The following TMEM117 variants were observed in gnomAD, a reference collection of about 807,000 sequenced individuals.
TMEM117 encodes transmembrane protein 117.
In TMEM117, 27 loss-of-function variants were observed where a neutral mutation model predicts 52.4. The observed-to-expected ratio is 0.51, with a 90% CI of 0.38 to 0.71. The LOEUF is 0.71. Among genes scored for constraint, TMEM117 ranks in the 30% least tolerant of loss-of-function variants. The pLI is 0.00. For synonymous variants in TMEM117, 215 were observed against 206.3 expected (o/e 1.04, Z -0.36); for missense variants, 556 against 630.5 (o/e 0.88, Z 1.26).
intron 2 of TMEM117, among the ~76,000 whole-genome samples, chr12:43,925,233 G>C (rs1043433770): frequency 6.6e-6 from 1 of 151,852 alleles, no homozygotes; most frequent in Non-Finnish European, 1.5e-5. Context: ...GTGTGTGGGG[G>C]TGTCTAGCCA....
At chr12:44,081,508 G>A (rs1480658905) in intron 3 of TMEM117, among the ~76,000 whole-genome samples, 2 of 152,070 alleles carry the variant, frequency 1.3e-5, no homozygotes, top group Admixed American at 6.6e-5. Flanking sequence ...AAGCGTCTGT[G>A]TTCTGTGATC....
intron 5 of TMEM117, among the ~76,000 whole-genome samples, chr12:44,265,170 C>T (rs1021550686): frequency 2.6e-5 from 4 of 152,050 alleles, no homozygotes; most frequent in Non-Finnish European, 4.4e-5. Flanking sequence ...CACTATATAA[C>T]GAGAAGCCAG....
At chr12:44,018,894 A>G (rs1565794345) in intron 3 of TMEM117, among the ~76,000 whole-genome samples, 2 of 151,758 alleles carry the variant, frequency 1.3e-5, no homozygotes, top group Admixed American at 6.6e-5. Flanking sequence ...TAATGTTTGT[A>G]TTTTTAGTAG....
chr12:43,860,709 TAGG>T (rs774642162), intron 2 of TMEM117, among the ~76,000 whole-genome samples: 37 of 151,922 alleles, frequency 2.4e-4, no homozygotes, highest in Non-Finnish European at 4.3e-4. Flanking sequence ...GAAAAGAGAG[TAGG>T]AGGAGAAGTG....
At chr12:44,212,799 A>AT (rs57330972) in intron 5 of TMEM117, among the ~76,000 whole-genome samples, 2,050 of 148,992 alleles carry the variant, frequency 0.014, 38 homozygotes, top group South Asian at 0.036. Context: ...CTGGCGGTTG[A>AT]TTTTTTTTTT....
At chr12:44,143,084 A>T (rs968041050) in intron 3 of TMEM117, among the ~76,000 whole-genome samples, 14 of 152,192 alleles carry the variant, frequency 9.2e-5, no homozygotes, top group Non-Finnish European at 1.5e-4. Context: ...GTATGATGTT[A>T]TATCTAAAGC....
intron 4 of TMEM117, among the ~76,000 whole-genome samples, chr12:44,146,555 C>A (rs1948644986): frequency 6.6e-6 from 1 of 152,122 alleles, no homozygotes. Flanking sequence ...ACCAAGTGCT[C>A]CTGATTTTAA....
chr12:43,801,947 T>C, the TMEM117 span, among the ~76,000 whole-genome samples: 1 of 152,152 alleles, frequency 6.6e-6, no homozygotes, highest in African/African-American at 2.4e-5. Flanking sequence ...GGAAAATCAC[T>C]TGAGCCTGGG....
intron 3 of TMEM117, among the ~76,000 whole-genome samples, chr12:44,089,627 G>C (rs192912442): frequency 9.3e-4 from 141 of 152,248 alleles, no homozygotes; most frequent in African/African-American, 3.2e-3. Flanking sequence ...AGTCACATGA[G>C]AATACACTTA....
At chr12:44,227,701 G>A (rs950496553) in intron 5 of TMEM117, among the ~76,000 whole-genome samples, 1 of 152,008 alleles carries the variant, frequency 6.6e-6, no homozygotes, top group Non-Finnish European at 1.5e-5. Context: ...TCCTTTTTGA[G>A]CATTGTCTCT....
At chr12:44,034,115 C>T (rs190886268) in intron 3 of TMEM117, among the ~76,000 whole-genome samples, 8 of 152,256 alleles carry the variant, frequency 5.3e-5, no homozygotes, top group Admixed American at 5.2e-4. Flanking sequence ...ATGAGAAAAA[C>T]ATGGAGATGG....
intron 6 of TMEM117, among the ~76,000 whole-genome samples, chr12:44,349,570 G>A (rs998905266): frequency 6.6e-6 from 1 of 151,940 alleles, no homozygotes; most frequent in Admixed American, 6.6e-5. Context: ...TCAGAGTGCT[G>A]ATTGCTGGTC....
At chr12:43,979,030 G>A (rs1945717600) in intron 3 of TMEM117, among the ~76,000 whole-genome samples, 1 of 151,514 alleles carries the variant, frequency 6.6e-6, no homozygotes, top group African/African-American at 2.4e-5. Flanking sequence ...GGAGTTAAAT[G>A]CCTGAGAGAG....
At chr12:44,007,679 C>G (rs895749864) in intron 3 of TMEM117, among the ~76,000 whole-genome samples, 2 of 152,028 alleles carry the variant, frequency 1.3e-5, no homozygotes, top group African/African-American at 4.8e-5. Flanking sequence ...CTACAATTCC[C>G]ATGTGTAGTG....
chr12:44,150,474 A>T (rs191136250), intron 4 of TMEM117, among the ~76,000 whole-genome samples: 1 of 152,288 alleles, frequency 6.6e-6, no homozygotes, highest in Non-Finnish European at 1.5e-5. Context: ...CATCGCACAG[A>T]CAAAACCCAA....
upstream of TMEM117, among the ~76,000 whole-genome samples, chr12:43,835,462 ATGTG>A (rs931522953): frequency 4.0e-5 from 6 of 151,554 alleles, no homozygotes; most frequent in African/African-American, 7.3e-5. Flanking sequence ...GTGTGTATGA[ATGTG>A]TGTATGTGTG....
chr12:44,042,721 T>C (rs1946818895), intron 3 of TMEM117, among the ~76,000 whole-genome samples: 1 of 151,326 alleles, frequency 6.6e-6, no homozygotes, highest in Non-Finnish European at 1.5e-5. Context: ...GACAGCCTAT[T>C]GTGGGACCTT....
intron 3 of TMEM117, among the ~76,000 whole-genome samples, chr12:44,114,975 C>G (rs1948112500): frequency 1.3e-5 from 2 of 152,062 alleles, no homozygotes; most frequent in Non-Finnish European, 2.9e-5. Context: ...TCTTTAAAAA[C>G]TTAATTATGA....
chr12:44,165,640 T>C (rs1001085706), intron 4 of TMEM117, among the ~76,000 whole-genome samples: 23 of 152,194 alleles, frequency 1.5e-4, no homozygotes, highest in Non-Finnish European at 2.5e-4. Context: ...GGTCATTACA[T>C]AATGATAAAG....
Sources: allele counts gnomAD v4.1 joint callset (sites outside exome capture counted in the v4.1 genomes callset), GRCh38; gene constraint gnomAD v4.1.1; transcripts MANE v1.5; gene names NCBI Gene and HGNC (gene_info 2026-07-23, HGNC 2026-07-21).